The following DCC variants were observed in gnomAD, a reference collection of about 807,000 sequenced individuals.
The protein encoded by DCC is netrin receptor DCC.
A neutral mutation model predicts 172.5 loss-of-function variants in DCC; 58 were observed. That is an observed-to-expected ratio of 0.34 (90% CI 0.27 to 0.42). DCC has a LOEUF of 0.42. Ranked by LOEUF, DCC falls within the 10% of genes least tolerant of loss-of-function variation. The probability of loss-of-function intolerance (pLI) is 1.00; values close to 1 mark genes in which losing one functional copy is unlikely to be tolerated. For synonymous variants in DCC, 709 were observed against 644.5 expected (o/e 1.10, Z -1.52); for missense variants, 1,740 against 1,791.0 (o/e 0.97, Z 0.51).
intron 5 of DCC, among the ~76,000 whole-genome samples, chr18:53,029,413 A>T (rs1383612620): frequency 2.6e-5 from 4 of 152,188 alleles, no homozygotes; most frequent in African/African-American, 4.8e-5. Context: ...ATCATATGTA[A>T]GTTATTCTGC....
intron 5 of DCC, among the ~76,000 whole-genome samples, chr18:53,021,933 C>A (rs551989500): frequency 2.8e-4 from 43 of 152,274 alleles, no homozygotes; most frequent in African/African-American, 9.6e-4. Flanking sequence ...ATAACTACAT[C>A]AAATGTTGCT....
intron 2 of DCC, among the ~76,000 whole-genome samples, chr18:52,828,557 G>T (rs1266256298): frequency 6.6e-6 from 1 of 151,988 alleles, no homozygotes; most frequent in African/African-American, 2.4e-5. Context: ...TATTCTTCTT[G>T]CCTAAAAATA....
intron 5 of DCC, among the ~76,000 whole-genome samples, chr18:53,010,513 G>A (rs2041712597): frequency 6.6e-6 from 1 of 151,232 alleles, no homozygotes; most frequent in Non-Finnish European, 1.5e-5. Context: ...GTTCAAAGTA[G>A]AATATATAAG....
intron 7 of DCC, among the ~76,000 whole-genome samples, chr18:53,097,261 G>T (rs1361415813): frequency 6.6e-6 from 1 of 150,454 alleles, no homozygotes; most frequent in Non-Finnish European, 1.5e-5. Context: ...AATTGAGTCA[G>T]TTGTTGTTGA....
intron 1 of DCC, among the ~76,000 whole-genome samples, chr18:52,638,463 G>A (rs1446569768): frequency 6.6e-6 from 1 of 151,920 alleles, no homozygotes; most frequent in East Asian, 1.9e-4. Flanking sequence ...TAGCACATAA[G>A]GACTCACATA....
intron 7 of DCC, among the ~76,000 whole-genome samples, chr18:53,143,197 C>T (rs570122973): frequency 1.3e-5 from 2 of 152,194 alleles, no homozygotes; most frequent in African/African-American, 4.8e-5. Flanking sequence ...CAATCTAGCC[C>T]ACTCCCCAGC....
chr18:52,785,309 T>C lies in DCC; in HGVS notation c.412+32935T>C, dbSNP rs537983845. Among the ~76,000 whole-genome samples, 16 of 152,210 alleles carry C rather than the reference T, an allele frequency of 1.1e-4. No homozygotes were observed. In the South Asian group the frequency reaches 3.1e-3, roughly 30 times the overall value. On this transcript the variant is annotated intron_variant, in intron 2 of 28. Coordinates refer to ENST00000442544, the MANE Select transcript of DCC (RefSeq NM_005215.4). Reference sequence around the variant, plus strand: ...TGTGCAAGCTCCCAGTTTGCTTGTCTGTCTGCAGCTCTACTTTATAGGCTG... The same window carrying C: ...TGTGCAAGCTCCCAGTTTGCTTGTCCGTCTGCAGCTCTACTTTATAGGCTG...
intron 7 of DCC, among the ~76,000 whole-genome samples, chr18:53,135,325 G>T (rs1385063059): frequency 2.0e-5 from 3 of 152,114 alleles, no homozygotes; most frequent in African/African-American, 7.2e-5. Context: ...TGAAATAAGA[G>T]CATGGGAAAT....
intron 1 of DCC, among the ~76,000 whole-genome samples, chr18:52,373,956 A>G (rs1568138357): frequency 6.8e-6 from 1 of 146,740 alleles, no homozygotes; most frequent in African/African-American, 2.6e-5. Flanking sequence ...GCATGGCTCA[A>G]TATTGGCTCA....
chr18:52,941,736 C>T (rs2145525193), intron 5 of DCC, among the ~76,000 whole-genome samples: 1 of 152,054 alleles, frequency 6.6e-6, no homozygotes, highest in African/African-American at 2.4e-5. Context: ...CACTGTACTA[C>T]TTACATGTAG....
chr18:52,563,429 C>A (rs755053084), intron 1 of DCC, among the ~76,000 whole-genome samples: 5 of 152,138 alleles, frequency 3.3e-5, no homozygotes, highest in Non-Finnish European at 7.4e-5. Flanking sequence ...TCATTCAAAT[C>A]TGAAGGAGGG....
intron 2 of DCC, among the ~76,000 whole-genome samples, chr18:52,876,231 T>TA (rs1420163318): frequency 6.6e-6 from 1 of 152,216 alleles, no homozygotes; most frequent in Non-Finnish European, 1.5e-5. Context: ...TTTCTGTTTT[T>TA]ACATCAGAGC....
At chr18:52,827,708 C>A (rs536206067) in intron 2 of DCC, among the ~76,000 whole-genome samples, 1 of 152,328 alleles carries the variant, frequency 6.6e-6, no homozygotes, top group South Asian at 2.1e-4. Context: ...CAGGCACTTG[C>A]ATTTCAGTCA....
intron 1 of DCC, among the ~76,000 whole-genome samples, chr18:52,494,290 GTGTC>G (rs1012524545): frequency 6.8e-6 from 1 of 147,612 alleles, no homozygotes; most frequent in Non-Finnish European, 1.5e-5. Context: ...GTGTGTGTGT[GTGTC>G]TGTGCCTGTG....
chr18:53,328,450 A>C (rs1039688017), intron 14 of DCC, among the ~76,000 whole-genome samples: 4 of 152,184 alleles, frequency 2.6e-5, no homozygotes, highest in African/African-American at 4.8e-5. Flanking sequence ...ATGGCAACAA[A>C]GTGCTCAACA....
chr18:52,818,418 T>TAAAAAAAAA (rs55812629), intron 2 of DCC, among the ~76,000 whole-genome samples: 7 of 97,094 alleles, frequency 7.2e-5, no homozygotes, highest in African/African-American at 2.4e-4. Flanking sequence ...TCTCAAAAAG[T>TAAAAAAAAA]AAAAAAAAAA....
chr18:53,025,344 G>C (rs939023514), intron 5 of DCC, among the ~76,000 whole-genome samples: 4 of 152,112 alleles, frequency 2.6e-5, no homozygotes, highest in Non-Finnish European at 5.9e-5. Flanking sequence ...GTAGGTTAAC[G>C]GGGTAGATTT....
At chr18:52,885,767 G>T (rs2039560000) in intron 2 of DCC, among the ~76,000 whole-genome samples, 1 of 152,002 alleles carries the variant, frequency 6.6e-6, no homozygotes, top group Non-Finnish European at 1.5e-5. Context: ...GAATGTGCTG[G>T]ATCACATCTG....
At chr18:53,466,024 A>G (rs959944856) in intron 24 of DCC, among the ~76,000 whole-genome samples, 1 of 152,162 alleles carries the variant, frequency 6.6e-6, no homozygotes, top group African/African-American at 2.4e-5. Context: ...TCAGCCTCCC[A>G]AAGTGCTGGG....
Sources: allele counts gnomAD v4.1 joint callset (sites outside exome capture counted in the v4.1 genomes callset), GRCh38; gene constraint gnomAD v4.1.1; transcripts MANE v1.5; gene names NCBI Gene and HGNC (gene_info 2026-07-23, HGNC 2026-07-21).